Variants in FSTL5 observed in about 807,000 individuals in gnomAD.
FSTL5 encodes follistatin like 5, also known as follistatin-related protein 5.
Under a neutral mutation model 89.1 loss-of-function variants are expected in FSTL5, and 62 were observed. The ratio of observed to expected loss-of-function variants is 0.70; its 90% CI spans 0.57 to 0.86. The LOEUF (loss-of-function observed/expected upper bound fraction) is 0.86, where lower values mean the gene tolerates loss of function less well. FSTL5 is among the 40% of genes least tolerant of loss of function. The probability of loss-of-function intolerance (pLI) is 0.00; values close to 1 mark genes in which losing one functional copy is unlikely to be tolerated. For missense variants in FSTL5, 1,057 were observed against 1,001.6 expected (o/e 1.06, Z -0.75); for synonymous variants, 383 against 346.2 (o/e 1.11, Z -1.18).
At chr4:161,572,600 C>T (rs938820042) in intron 8 of FSTL5, among the ~76,000 whole-genome samples, 4 of 152,084 alleles carry the variant, frequency 2.6e-5, no homozygotes, top group African/African-American at 9.7e-5. Context: ...AATAAGATTA[C>T]TTACATAGAT....
chr4:161,510,314 T>G, intron 11 of FSTL5, 84 bp downstream of exon 11: 1 of 812,066 alleles, frequency 1.2e-6, no homozygotes, highest in Non-Finnish European at 1.9e-6. Context: ...AAAAAGAAGG[T>G]AATTAATGAT....
At chr4:161,794,213 G>T (rs573276332) in intron 4 of FSTL5, among the ~76,000 whole-genome samples, 1 of 152,170 alleles carries the variant, frequency 6.6e-6, no homozygotes, top group East Asian at 1.9e-4. Flanking sequence ...TGTGGGTGGG[G>T]CCTGGGCATC....
chr4:161,608,283 T>A (rs925423608), intron 7 of FSTL5, among the ~76,000 whole-genome samples: 6 of 152,152 alleles, frequency 3.9e-5, no homozygotes, highest in African/African-American at 1.4e-4. Context: ...AATTTCTAAA[T>A]GGGAATAAAC....
At chr4:162,005,171 T>A (rs1052681484) in intron 3 of FSTL5, among the ~76,000 whole-genome samples, 2 of 152,166 alleles carry the variant, frequency 1.3e-5, no homozygotes, top group Admixed American at 1.3e-4. Flanking sequence ...TGTTGTTCTG[T>A]CTACCTAAAA....
At position 161,455,013 on chromosome 4, in the gene FSTL5, G is replaced by A. The variant is rs1261701952; in HGVS notation, c.1832C>T (p.Thr611Ile). The A allele has an allele frequency of 1.9e-6, 3 of 1,613,266 alleles. No homozygotes were observed. The highest frequency in any genetic ancestry group is 2.2e-5 in the South Asian group (2 of 90,990). The change falls in exon 15 of 16, where the codon ACC (threonine) becomes ATC (isoleucine). Residue 611 changes from threonine (T) to isoleucine (I), a missense_variant. Coordinates refer to ENST00000306100, the MANE Select transcript of FSTL5 (RefSeq NM_020116.5). ...FFIPTTTLII[T>I]HMRFGFILHK... ...TCAACTTAGCACTTACCTCATATGG[G>A]TGATAATGAGTGTTGTGGTGGGAAT... is the stretch of plus-strand genomic sequence containing the variant.
chr4:161,416,950 TCTAC>T (rs1433002967), intron 15 of FSTL5, among the ~76,000 whole-genome samples: 2 of 152,146 alleles, frequency 1.3e-5, no homozygotes, highest in African/African-American at 4.8e-5. Flanking sequence ...GAAGCTCATC[TCTAC>T]CTATCTCTTT....
chr4:161,679,071 T>C (rs1040076525), intron 6 of FSTL5, among the ~76,000 whole-genome samples: 2 of 151,744 alleles, frequency 1.3e-5, no homozygotes, highest in Non-Finnish European at 3.0e-5. Flanking sequence ...TTATCCCTAT[T>C]TTATTGATGG....
At chr4:162,107,320 T>C (rs1731262250) in intron 2 of FSTL5, among the ~76,000 whole-genome samples, 1 of 152,156 alleles carries the variant, frequency 6.6e-6, no homozygotes, top group Admixed American at 6.5e-5. Context: ...GCCATGAGAA[T>C]ATTCATATAA....
chr4:161,604,551 T>G (rs75809056), intron 7 of FSTL5, among the ~76,000 whole-genome samples: 2 of 152,154 alleles, frequency 1.3e-5, no homozygotes, highest in Non-Finnish European at 2.9e-5. Context: ...GGCTCTTCTC[T>G]AGCACTATTG....
At chr4:161,621,267 TACACACACACACACAC>T (rs146037793) in intron 7 of FSTL5, among the ~76,000 whole-genome samples, 2 of 146,076 alleles carry the variant, frequency 1.4e-5, no homozygotes, top group Non-Finnish European at 3.0e-5. Flanking sequence ...ATGTAAAGAC[TACACACACACACACAC>T]ACACACACAC....
intron 4 of FSTL5, among the ~76,000 whole-genome samples, chr4:161,845,554 C>G (rs965116646): frequency 2.0e-5 from 3 of 152,176 alleles, no homozygotes; most frequent in Admixed American, 2.0e-4. Context: ...ATATTTATAA[C>G]CTCTGAATAC....
intron 10 of FSTL5, among the ~76,000 whole-genome samples, chr4:161,516,538 C>T (rs1159717545): frequency 6.9e-6 from 1 of 144,516 alleles, no homozygotes; most frequent in African/African-American, 2.5e-5. Context: ...AATATATTTA[C>T]ATATAGTAAA....
chr4:162,084,341 G>GA (rs1002745407), intron 2 of FSTL5, among the ~76,000 whole-genome samples: 1 of 151,578 alleles, frequency 6.6e-6, no homozygotes, highest in African/African-American at 2.4e-5. Flanking sequence ...TTAAAAGGTT[G>GA]AAAAAAATCA....
intron 1 of FSTL5, among the ~76,000 whole-genome samples, chr4:162,141,390 C>T (rs1579059588): frequency 1.1e-5 from 1 of 89,178 alleles, no homozygotes; most frequent in African/African-American, 3.7e-5. Context: ...GCTGGGATTA[C>T]AGGCGTGAGC....
intron 3 of FSTL5, among the ~76,000 whole-genome samples, chr4:161,984,832 C>T (rs1394742915): frequency 6.6e-6 from 1 of 152,038 alleles, no homozygotes; most frequent in East Asian, 1.9e-4. Context: ...TCAAAATGAT[C>T]AGAATAGTTT....
At chr4:161,934,099 A>C (rs961778816) in intron 3 of FSTL5, among the ~76,000 whole-genome samples, 1 of 152,090 alleles carries the variant, frequency 6.6e-6, no homozygotes, top group African/African-American at 2.4e-5. Context: ...TTGTTTTACA[A>C]ATAAAGAAGA....
At chr4:162,081,777 A>C (rs536671986) in intron 2 of FSTL5, among the ~76,000 whole-genome samples, 1 of 137,346 alleles carries the variant, frequency 7.3e-6, no homozygotes, top group African/African-American at 2.7e-5. Context: ...AACCAGAAAG[A>C]AAATTAGAAA....
intron 6 of FSTL5, among the ~76,000 whole-genome samples, chr4:161,745,703 A>C (rs1176137747): frequency 6.6e-6 from 1 of 152,034 alleles, no homozygotes; most frequent in African/African-American, 2.4e-5. Context: ...AATAAGATAA[A>C]TTCCTGATCT....
intron 3 of FSTL5, among the ~76,000 whole-genome samples, chr4:161,971,234 T>C (rs1735473381): frequency 6.6e-6 from 1 of 152,168 alleles, no homozygotes; most frequent in African/African-American, 2.4e-5. Context: ...TCATCTCTGA[T>C]AACGTGTTAT....
Sources: gnomAD v4.1 joint callset for allele counts (sites outside exome capture counted in the v4.1 genomes callset) on GRCh38, gnomAD v4.1.1 for gene constraint, MANE v1.5 for transcripts, NCBI Gene and HGNC (gene_info 2026-07-23, HGNC 2026-07-21) for gene names.